IFT43: variants seen among roughly 807,000 people sequenced by gnomAD.
The protein encoded by IFT43 is intraflagellar transport 43, also known as intraflagellar transport protein 43 homolog.
A neutral mutation model predicts 32.3 loss-of-function variants in IFT43; 33 were observed. That is an observed-to-expected ratio of 1.02 (90% CI 0.77 to 1.37). The LOEUF (loss-of-function observed/expected upper bound fraction) is 1.37, where lower values mean the gene tolerates loss of function less well. IFT43 is among the 40% of genes most tolerant of loss of function. The probability of loss-of-function intolerance (pLI) is 0.00; values close to 1 mark genes in which losing one functional copy is unlikely to be tolerated. For synonymous variants in IFT43, 93 were observed against 98.2 expected (o/e 0.95, Z 0.31); for missense variants, 274 against 265.9 (o/e 1.03, Z -0.21).
intron 2 of IFT43, among the ~76,000 whole-genome samples, chr14:76,005,285 G>A (rs2035960733): frequency 6.6e-6 from 1 of 152,220 alleles, no homozygotes; most frequent in Non-Finnish European, 1.5e-5. Context: ...GTTTCGGACT[G>A]TGTTAGGTTG....
At chr14:76,061,641 T>C (rs76037108) in intron 5 of IFT43, among the ~76,000 whole-genome samples, 3,287 of 152,344 alleles carry the variant, frequency 0.022, 54 homozygotes, top group Non-Finnish European at 0.032. Context: ...TTTTTTTCAG[T>C]TCTAGAAGCT....
At chr14:76,066,535 G>C (rs540757993) in intron 5 of IFT43, among the ~76,000 whole-genome samples, 1 of 152,328 alleles carries the variant, frequency 6.6e-6, no homozygotes, top group Admixed American at 6.5e-5. Context: ...AATTATCTTT[G>C]CTCAGAGAAT....
chr14:75,999,250 TATATATATATATATATA>T lies in IFT43; in HGVS notation c.147+10274_147+10290del, dbSNP rs1566699316. Among the ~76,000 whole-genome samples, 32 of 7,976 alleles carry T rather than the reference TATATATATATATATATA, an allele frequency of 4.0e-3. 1 individual carries two copies. The highest frequency in any genetic ancestry group is 0.012 in the African/African-American group (29 of 2,336). 5.2% of individuals were successfully genotyped at this position (7,976 alleles called of 152,430 possible). ...TTTTATATATATATATATATATATA[TATATATATATATATATA>T]TATATGTATATATATTTTTTTTTTT... On this transcript the variant is annotated intron_variant, in intron 2 of 8. Transcript: ENST00000314067.
intron 5 of IFT43, among the ~76,000 whole-genome samples, chr14:76,059,810 C>T (rs2037096581): frequency 6.6e-6 from 1 of 152,234 alleles, no homozygotes; most frequent in Non-Finnish European, 1.5e-5. Context: ...CGTAGTACTA[C>T]TATTATCCCC....
chr14:76,001,580 C>T (rs1413818174), intron 2 of IFT43, among the ~76,000 whole-genome samples: 2 of 152,208 alleles, frequency 1.3e-5, no homozygotes, highest in Non-Finnish European at 2.9e-5. Flanking sequence ...GCAAGTTTCT[C>T]CAACACCCCT....
chr14:76,060,097 T>C (rs535741056), intron 5 of IFT43, among the ~76,000 whole-genome samples: 2 of 152,322 alleles, frequency 1.3e-5, no homozygotes, highest in Admixed American at 1.3e-4. Context: ...GGCAAGTAGC[T>C]GTGGCACAGT....
At chr14:76,043,348 G>A (rs902608374) in intron 3 of IFT43, among the ~76,000 whole-genome samples, 11 of 148,346 alleles carry the variant, frequency 7.4e-5, no homozygotes, top group African/African-American at 2.7e-4. Flanking sequence ...TAGAAGGGTA[G>A]GTGGGCAAGG....
At chr14:76,036,609 T>G (rs1594834622) in intron 3 of IFT43, among the ~76,000 whole-genome samples, 3 of 152,198 alleles carry the variant, frequency 2.0e-5, no homozygotes, top group African/African-American at 7.2e-5. Flanking sequence ...TTTGCCATGC[T>G]GGCCAAGCTG....
At chr14:76,015,530 A>G (rs1236378212) in intron 2 of IFT43, among the ~76,000 whole-genome samples, 1 of 152,208 alleles carries the variant, frequency 6.6e-6, no homozygotes, top group Admixed American at 6.5e-5. Context: ...ATAATACTAT[A>G]TCAATTCCTA....
chr14:76,019,148 C>G (rs1038975091), intron 2 of IFT43, among the ~76,000 whole-genome samples: 1 of 151,876 alleles, frequency 6.6e-6, no homozygotes, highest in Non-Finnish European at 1.5e-5. Context: ...TGTTTGAATT[C>G]TTTCTCTTTC....
At chr14:76,014,099 C>A in intron 2 of IFT43, 1 of 279,058 alleles carries the variant, frequency 3.6e-6, no homozygotes, top group Non-Finnish European at 7.4e-6. Context: ...TATAAGAATG[C>A]TAAAGAGTTT....
At chr14:76,028,401 ACT>A (rs1223848614) in intron 3 of IFT43, among the ~76,000 whole-genome samples, 8 of 151,828 alleles carry the variant, frequency 5.3e-5, no homozygotes, top group Admixed American at 4.6e-4. Flanking sequence ...AGAAGAATTT[ACT>A]CTCTCTCCTT....
intron 1 of IFT43, chr14:75,986,164 A>C: frequency 7.4e-7 from 1 of 1,343,674 alleles, no homozygotes; most frequent in Non-Finnish European, 9.8e-7. Context: ...GATCGATCAC[A>C]GGGTGATAGG....
At chr14:76,076,958 T>C (rs918249427) in intron 5 of IFT43, among the ~76,000 whole-genome samples, 4 of 151,992 alleles carry the variant, frequency 2.6e-5, no homozygotes, top group African/African-American at 9.7e-5. Context: ...TGGGTAGATG[T>C]GTTGGGTGTC....
rs1192207440 is a variant in IFT43 at position 75,999,266 on chromosome 14, TATATATGTATATATA to T, written c.147+10290_147+10304del. The stretch of plus-strand genomic sequence containing the variant: ...ATATATATATATATATATATATATA[TATATATGTATATATA>T]TTTTTTTTTTTTTTTTTTTAATTTT... On this transcript the variant is annotated intron_variant, in intron 2 of 8. Coordinates refer to ENST00000314067, the MANE Select transcript of IFT43 (RefSeq NM_001102564.3). Among the ~76,000 whole-genome samples, 70 of 25,244 alleles carry T rather than the reference TATATATGTATATATA, an allele frequency of 2.8e-3. 2 individuals are homozygous for T. The highest frequency in any genetic ancestry group is 8.9e-3 in the African/African-American group (40 of 4,508). The allele number at this position is 25,244 out of a possible 152,430, so 16.6% of individuals were successfully genotyped here.
rs756700836 is a variant in IFT43 at position 76,076,598 on chromosome 14, G to A, written c.296-5697G>A. The A allele has an allele frequency of 3.5e-5, 57 of 1,613,866 alleles. 1 individual carries two copies. In the South Asian group the frequency reaches 3.6e-4, roughly 10 times the overall value. ...CTAAGAAGTCACTTTCTGTTCTAGC[G>A]GTACCCAAACAGGCAAACAACAGCT... On this transcript the variant is annotated intron_variant, in intron 5 of 8. Coordinates refer to ENST00000314067, the MANE Select transcript of IFT43 (RefSeq NM_001102564.3).
intron 5 of IFT43, among the ~76,000 whole-genome samples, chr14:76,080,824 C>A (rs2037497405): frequency 6.6e-6 from 1 of 152,166 alleles, no homozygotes; most frequent in Non-Finnish European, 1.5e-5. Flanking sequence ...ATTCCATCTC[C>A]AATTCTCTAG....
At chr14:75,998,462 C>T (rs963341158) in intron 2 of IFT43, among the ~76,000 whole-genome samples, 12 of 152,070 alleles carry the variant, frequency 7.9e-5, no homozygotes, top group South Asian at 4.2e-4. Context: ...CGGAAGTGGA[C>T]GAACAGACAG....
chr14:76,038,054 T>C (rs886870559), intron 3 of IFT43: 5 of 152,234 alleles, frequency 3.3e-5, no homozygotes, highest in Non-Finnish European at 5.9e-5. Context: ...GTATTGAGAA[T>C]TGATTTTTCC....
Sources: gnomAD v4.1 joint callset for allele counts (sites outside exome capture counted in the v4.1 genomes callset) on GRCh38, gnomAD v4.1.1 for gene constraint, MANE v1.5 for transcripts, NCBI Gene and HGNC (gene_info 2026-07-23, HGNC 2026-07-21) for gene names.